Variants in STARD13 observed in about 807,000 individuals in gnomAD.
STARD13 encodes stAR-related lipid transfer protein 13.
Under a neutral mutation model 106.4 loss-of-function variants are expected in STARD13, and 62 were observed. That is an observed-to-expected ratio of 0.58 (90% CI 0.48 to 0.72). STARD13 has a LOEUF of 0.72. STARD13 is among the 30% of genes least tolerant of loss of function. The pLI is 0.00. For synonymous variants in STARD13, 565 were observed against 553.0 expected (o/e 1.02, Z -0.31); for missense variants, 1,387 against 1,424.0 (o/e 0.97, Z 0.42).
At chr13:33,628,005 G>T in the STARD13 span, among the ~76,000 whole-genome samples, 1 of 138,600 alleles carries the variant, frequency 7.2e-6, no homozygotes, top group Non-Finnish European at 1.5e-5. Context: ...TCGCTCTGTT[G>T]CCAGGCTGGA....
chr13:33,505,461 G>T, the STARD13 span, among the ~76,000 whole-genome samples: 1 of 151,826 alleles, frequency 6.6e-6, no homozygotes, highest in African/African-American at 2.4e-5. Flanking sequence ...AATATTATAA[G>T]CCAGAAAAAT....
chr13:33,594,593 T>A, the STARD13 span, among the ~76,000 whole-genome samples: 1 of 152,222 alleles, frequency 6.6e-6, no homozygotes, highest in Non-Finnish European at 1.5e-5. Context: ...TTAACGTTGT[T>A]GTGCAATCAT....
the STARD13 span, among the ~76,000 whole-genome samples, chr13:33,600,805 T>C: frequency 6.6e-6 from 1 of 152,204 alleles, no homozygotes; most frequent in Non-Finnish European, 1.5e-5. Flanking sequence ...AGATGGGCTA[T>C]TAAGTTCTGA....
the STARD13 span, among the ~76,000 whole-genome samples, chr13:33,512,480 T>A: frequency 6.6e-6 from 1 of 152,136 alleles, no homozygotes. Flanking sequence ...TTTTTTCTTT[T>A]TTTTGAGGCG....
At chr13:33,669,664 T>C in the STARD13 span, among the ~76,000 whole-genome samples, 11 of 150,904 alleles carry the variant, frequency 7.3e-5, no homozygotes, top group African/African-American at 4.9e-5. Flanking sequence ...GCCTCCCGAG[T>C]AGCTGGGATT....
At chr13:33,219,518 CAAAAAAAAAAAAAAAA>C (rs55933962) in intron 1 of STARD13, among the ~76,000 whole-genome samples, 1 of 61,212 alleles carries the variant, frequency 1.6e-5, no homozygotes, top group South Asian at 7.2e-4. Flanking sequence ...GACTCCTTCT[CAAAAAAAAAAAAAAAA>C]AAAAAAAAAA....
At chr13:33,460,986 A>G in the STARD13 span, among the ~76,000 whole-genome samples, 3 of 152,256 alleles carry the variant, frequency 2.0e-5, no homozygotes, top group Admixed American at 6.5e-5. Flanking sequence ...AACAAGACAA[A>G]AAGAGCACAT....
At chr13:33,424,071 T>C in the STARD13 span, among the ~76,000 whole-genome samples, 2 of 151,998 alleles carry the variant, frequency 1.3e-5, no homozygotes, top group African/African-American at 4.8e-5. Context: ...TGTGCACATG[T>C]ACCCTAGTAC....
chr13:33,433,011 C>A, the STARD13 span, among the ~76,000 whole-genome samples: 1 of 152,064 alleles, frequency 6.6e-6, no homozygotes, highest in South Asian at 2.1e-4. Context: ...ATTGAATAGA[C>A]AATTTTTATT....
chr13:33,656,130 T>A, the STARD13 span, among the ~76,000 whole-genome samples: 5 of 152,238 alleles, frequency 3.3e-5, no homozygotes, highest in East Asian at 7.7e-4. Flanking sequence ...AATGATTTTT[T>A]AAAATTTATT....
At chr13:33,522,808 CT>C in the STARD13 span, among the ~76,000 whole-genome samples, 1 of 152,162 alleles carries the variant, frequency 6.6e-6, no homozygotes, top group Admixed American at 6.5e-5. Context: ...CCTTGGTCTT[CT>C]CATTTGTAAA....
intron 3 of STARD13, among the ~76,000 whole-genome samples, chr13:33,148,524 T>G (rs779894721): frequency 1.7e-4 from 26 of 152,192 alleles, no homozygotes; most frequent in Non-Finnish European, 1.3e-4. Flanking sequence ...AAAACATCCA[T>G]GAGATACAAC....
the STARD13 span, among the ~76,000 whole-genome samples, chr13:33,369,697 T>G: frequency 2.0e-5 from 3 of 152,320 alleles, no homozygotes; most frequent in South Asian, 6.2e-4. Context: ...CATGCACATA[T>G]AAGTGCATTA....
chr13:33,392,205 A>G, the STARD13 span, among the ~76,000 whole-genome samples: 1 of 152,062 alleles, frequency 6.6e-6, no homozygotes, highest in African/African-American at 2.4e-5. Context: ...TTTTCTTGCA[A>G]CCTTGTTGTG....
intron 12 of STARD13, 55 bp downstream of exon 12, chr13:33,109,818 C>T: frequency 1.3e-6 from 2 of 1,552,618 alleles, no homozygotes; most frequent in East Asian, 2.2e-5. Context: ...CTCACATCTA[C>T]AGTTCGCGTC....
In STARD13 at chr13:33,205,016, A is replaced by G. The variant is rs375817163; in HGVS notation, c.170-37394T>C. Among the ~76,000 whole-genome samples, 22 of 152,354 alleles carry G rather than the reference A, an allele frequency of 1.4e-4. No individual in the cohort carries two copies. The East Asian group carries it at 2.5e-3, about 17-fold the overall frequency. ...GTGAGCCCCCTGAAAACTTTCTGCTATCGCTCATAGAATCTTATCATTCTC... is the reference window on the plus strand; with the variant it reads ...GTGAGCCCCCTGAAAACTTTCTGCTGTCGCTCATAGAATCTTATCATTCTC... On this transcript the variant is annotated intron_variant, in intron 1 of 13. Coordinates refer to ENST00000336934, the MANE Select transcript of STARD13 (RefSeq NM_178006.4).
chr13:33,140,766 CTTTT>C (rs1231426601), intron 4 of STARD13, among the ~76,000 whole-genome samples: 2 of 142,864 alleles, frequency 1.4e-5, no homozygotes, highest in Non-Finnish European at 1.5e-5. Context: ...TCTTTTCTTT[CTTTT>C]TTTTTTTTTT....
chr13:33,601,210 T>G, the STARD13 span, among the ~76,000 whole-genome samples: 1 of 151,948 alleles, frequency 6.6e-6, no homozygotes, highest in Admixed American at 6.6e-5. Context: ...CAAAAAATGT[T>G]TTTGTTTTTT....
downstream of STARD13, among the ~76,000 whole-genome samples, chr13:33,345,425 G>A (rs1186471753): frequency 3.9e-5 from 6 of 152,154 alleles, no homozygotes; most frequent in East Asian, 5.8e-4. Flanking sequence ...CAAAGTCCAG[G>A]GAGGAGGCCA....
Sources: allele counts gnomAD v4.1 joint callset (sites outside exome capture counted in the v4.1 genomes callset), GRCh38; gene constraint gnomAD v4.1.1; transcripts MANE v1.5; gene names NCBI Gene and HGNC (gene_info 2026-07-23, HGNC 2026-07-21).